The following MYO16 variants were observed in gnomAD, a reference collection of about 807,000 sequenced individuals.
MYO16 encodes myosin XVI, also known as unconventional myosin-XVI.
A neutral mutation model predicts 205.3 loss-of-function variants in MYO16; 94 were observed. The ratio of observed to expected loss-of-function variants is 0.46; its 90% CI spans 0.39 to 0.54. The LOEUF (loss-of-function observed/expected upper bound fraction) is 0.54. Among genes scored for constraint, MYO16 ranks in the 20% least tolerant of loss-of-function variants. The pLI, the probability that MYO16 is intolerant of heterozygous loss-of-function variation, is 0.00. For synonymous variants in MYO16, 988 were observed against 954.0 expected, an observed-to-expected ratio of 1.04 and a Z score of -0.66; for missense variants, 2,315 against 2,387.5, an observed-to-expected ratio of 0.97 and a Z score of 0.63.
At chr13:108,975,548 G>A (rs1884224219) in intron 20 of MYO16, among the ~76,000 whole-genome samples, 1 of 152,130 alleles carries the variant, frequency 6.6e-6, no homozygotes, top group African/African-American at 2.4e-5. Context: ...CAGCCATCAG[G>A]AGCATCTCAG....
In MYO16 at chr13:109,116,531, T is replaced by C. The variant is rs529155287; in HGVS notation, c.3439-3839T>C. Among the ~76,000 whole-genome samples the C allele has an allele frequency of 3.3e-5, 5 of 152,278 alleles. No homozygotes were observed. The South Asian group carries it at 1.0e-3, about 32-fold the overall frequency. ...CCTGGCCTGACATGCAGATCTGCCC[T>C]GTGAAACCATCAATCCACTTCTCAA... On this transcript the variant is annotated intron_variant, in intron 28 of 34. Transcript: ENST00000457511.
chr13:108,961,356 G>T (rs1316502699), intron 17 of MYO16, among the ~76,000 whole-genome samples, 183 bp from the exon 18 acceptor site: 1 of 152,160 alleles, frequency 6.6e-6, no homozygotes, highest in Non-Finnish European at 1.5e-5. Flanking sequence ...GAATTATGAG[G>T]TTTTGATGTT....
intron 1 of MYO16, among the ~76,000 whole-genome samples, chr13:108,657,304 T>C (rs2139415069): frequency 6.6e-6 from 1 of 152,360 alleles, no homozygotes; most frequent in Middle Eastern, 3.4e-3. Context: ...AAGTGTCTAT[T>C]CCTCTACCAA....
intron 27 of MYO16, among the ~76,000 whole-genome samples, chr13:109,087,223 A>G (rs529184227): frequency 2.6e-5 from 4 of 152,216 alleles, no homozygotes; most frequent in Non-Finnish European, 5.9e-5. Context: ...TTAACTTCTC[A>G]GTGATGTGCT....
chr13:109,185,230 T>A (rs1260044855), intron 34 of MYO16, among the ~76,000 whole-genome samples: 1 of 152,240 alleles, frequency 6.6e-6, no homozygotes, highest in Non-Finnish European at 1.5e-5. Flanking sequence ...ACAATTTCAA[T>A]ATTAATTTAA....
chr13:109,129,216 T>TTAC (rs2139779862), intron 31 of MYO16, among the ~76,000 whole-genome samples: 1 of 152,226 alleles, frequency 6.6e-6, no homozygotes, highest in East Asian at 1.9e-4. Context: ...TTACAAAAAG[T>TTAC]TACTGTCTTA....
At chr13:108,549,691 G>A in the MYO16 span, among the ~76,000 whole-genome samples, 16 of 152,192 alleles carry the variant, frequency 1.1e-4, no homozygotes, top group African/African-American at 3.9e-4. Context: ...GTTAATGGGA[G>A]TGGGGAGAGT....
At chr13:108,518,724 T>TA in the MYO16 span, among the ~76,000 whole-genome samples, 6 of 152,120 alleles carry the variant, frequency 3.9e-5, no homozygotes, top group Non-Finnish European at 7.4e-5. Context: ...GACAGATATT[T>TA]AAAAAAAATG....
chr13:108,857,100 GT>G (rs1014342462), intron 11 of MYO16, among the ~76,000 whole-genome samples: 1 of 151,882 alleles, frequency 6.6e-6, no homozygotes, highest in African/African-American at 2.4e-5. Flanking sequence ...CTGTTTTTTT[GT>G]TTGTTTGTTT....
At chr13:108,505,082 A>G in the MYO16 span, among the ~76,000 whole-genome samples, 1 of 152,150 alleles carries the variant, frequency 6.6e-6, no homozygotes, top group East Asian at 1.9e-4. Context: ...AGTTGCTTTC[A>G]TCTTGGCTTT....
intron 1 of MYO16, among the ~76,000 whole-genome samples, chr13:108,641,615 C>T (rs2139379287): frequency 6.6e-6 from 1 of 152,284 alleles, no homozygotes; most frequent in East Asian, 1.9e-4. Flanking sequence ...TTATTTCCTA[C>T]ATGTCTAGTT....
chr13:109,117,380 A>C (rs75973730), intron 28 of MYO16, among the ~76,000 whole-genome samples: 5 of 132,938 alleles, frequency 3.8e-5, no homozygotes, highest in African/African-American at 1.0e-4. Flanking sequence ...TATATATAAT[A>C]TATGCGTGTG....
intron 1 of MYO16, among the ~76,000 whole-genome samples, chr13:108,650,908 T>G (rs922568935): frequency 6.6e-6 from 1 of 152,168 alleles, no homozygotes; most frequent in Admixed American, 6.5e-5. Context: ...GCCAGATTTT[T>G]TAGAGAAATT....
chr13:109,125,243 A>G lies in MYO16; in HGVS notation c.3667A>G (p.Ile1223Val). 6.2e-7 allele frequency: 1 copy of G among 1,614,196 alleles called. No individual in the cohort carries two copies. Among genetic ancestry groups the G allele is most frequent in the Non-Finnish European group, 8.5e-7 (1 of 1,180,032 alleles). ...GCTGAAAACCTACGATGCCCTGGTCATTCAGAATGCTTCAGACATTGCCCG... is the reference window on the plus strand; with the variant it reads ...GCTGAAAACCTACGATGCCCTGGTCGTTCAGAATGCTTCAGACATTGCCCG... ...MGLKTYDALV[I>V]QNASDIAREN... The change falls in exon 30 of 35, where the codon ATT becomes GTT. Residue 1223 changes from isoleucine to valine, a missense_variant. Ile to Val is a conservative substitution (Grantham distance 29). Transcript: ENST00000457511. The surrounding 1 kb of genome is among the most constrained non-coding windows in gnomAD (Gnocchi z 4.0).
At chr13:108,843,392 A>G (rs1327158190) in intron 9 of MYO16, among the ~76,000 whole-genome samples, 1 of 152,148 alleles carries the variant, frequency 6.6e-6, no homozygotes, top group Non-Finnish European at 1.5e-5. Context: ...TATTCTATAC[A>G]TTGCTGGTTA....
chr13:108,618,077 C>T (rs1325280161), intron 1 of MYO16, among the ~76,000 whole-genome samples: 1 of 152,182 alleles, frequency 6.6e-6, no homozygotes, highest in Non-Finnish European at 1.5e-5. Context: ...GACTCAATTT[C>T]AAGCCCTCAT....
intron 20 of MYO16, among the ~76,000 whole-genome samples, chr13:108,979,047 A>G (rs887453742): frequency 6.6e-6 from 1 of 152,052 alleles, no homozygotes; most frequent in Non-Finnish European, 1.5e-5. Context: ...CTGTTTCTTT[A>G]TGCATTGTCC....
At chr13:108,645,162 A>G (rs1045094409) in intron 1 of MYO16, among the ~76,000 whole-genome samples, 14 of 152,220 alleles carry the variant, frequency 9.2e-5, no homozygotes, top group Admixed American at 9.2e-4. Context: ...GGTCTGGAAC[A>G]TCAGGCCAAG....
chr13:108,642,838 C>A (rs1370579313), intron 1 of MYO16, among the ~76,000 whole-genome samples: 1 of 152,070 alleles, frequency 6.6e-6, no homozygotes, highest in Non-Finnish European at 1.5e-5. Flanking sequence ...TAATCCTACC[C>A]CCCCAAATTT....
Sources: allele counts gnomAD v4.1 joint callset (sites outside exome capture counted in the v4.1 genomes callset), GRCh38; gene constraint gnomAD v4.1.1; non-coding constraint Gnocchi (gnomAD v3.1); transcripts MANE v1.5; gene names NCBI Gene and HGNC (gene_info 2026-07-23, HGNC 2026-07-21).